Variants in DRGX observed in about 807,000 individuals in gnomAD.
DRGX encodes the protein dorsal root ganglia homeobox protein.
A neutral mutation model predicts 28.6 loss-of-function variants in DRGX; 21 were observed. The ratio of observed to expected loss-of-function variants is 0.73; its 90% CI spans 0.52 to 1.06. The LOEUF (loss-of-function observed/expected upper bound fraction) is 1.06. DRGX is among the 50% of genes least tolerant of loss of function. DRGX has a pLI of 0.00. For synonymous variants in DRGX, 136 were observed against 139.1 expected (o/e 0.98, Z 0.16); for missense variants, 354 against 343.9 (o/e 1.03, Z -0.23).
chr10:49,386,490 C>G lies in DRGX; in HGVS notation c.514G>C (p.Ala172Pro). Residue 172 changes from alanine (A) to proline (P), a missense_variant, in exon 6 of 7, where the codon GCT becomes CCT. Transcript: ENST00000374139. The part of the protein sequence containing the change: ...ATYAQALSHV[A>P]SLKGGPLCSC... ...AACCCAAACTCACCTTTGAGGGAAG[C>G]CACATGGGACAAGGCCTGGGCGTAG... 6.4e-7 allele frequency: 1 copy of G among 1,573,332 alleles called. No homozygotes were observed. Among genetic ancestry groups the G allele is most frequent in the Non-Finnish European group, 8.6e-7 (1 of 1,160,266 alleles).
intron 2 of DRGX, among the ~76,000 whole-genome samples, chr10:49,393,276 A>G (rs1391020211): frequency 6.6e-6 from 1 of 152,274 alleles, no homozygotes; most frequent in African/African-American, 2.4e-5. Context: ...AAAAAAGCAA[A>G]GTACAGAATG....
At position 49,386,519 on chromosome 10, in the gene DRGX, G is replaced by T. The variant is rs373974700; in HGVS notation, c.485C>A (p.Ala162Asp). 1 of 1,588,218 alleles carries T rather than the reference G, an allele frequency of 6.3e-7. No homozygotes were observed. The highest frequency in any genetic ancestry group is 1.1e-5 in the South Asian group (1 of 87,040). ...SCLPGTLLNT[A>D]TYAQALSHVA... ...ATGGGACAAGGCCTGGGCGTAGGTG[G>T]CCGTGTTCAGGAGAGTCCCCGGCAA... The change falls in exon 6 of 7, where the codon GCC becomes GAC. Residue 162 changes from alanine (A) to aspartate (D), a missense_variant. Transcript: ENST00000374139.
intron 6 of DRGX, among the ~76,000 whole-genome samples, chr10:49,378,186 A>T (rs1288040283): frequency 6.6e-6 from 1 of 152,220 alleles, no homozygotes. Flanking sequence ...ATTTTTAAAA[A>T]TGATAAGATA....
intron 6 of DRGX, among the ~76,000 whole-genome samples, chr10:49,372,671 A>G (rs190311871): frequency 8.5e-4 from 129 of 152,358 alleles, no homozygotes; most frequent in African/African-American, 2.9e-3. Flanking sequence ...AGAGGACACC[A>G]TGATGGACAC....
intron 6 of DRGX, among the ~76,000 whole-genome samples, chr10:49,383,807 C>T (rs1475540646): frequency 6.6e-6 from 1 of 152,250 alleles, no homozygotes; most frequent in East Asian, 1.9e-4. Context: ...GAACCCAACC[C>T]TGCTGGCGTC....
chr10:49,382,887 A>G (rs1027385156), intron 6 of DRGX, among the ~76,000 whole-genome samples: 2 of 152,150 alleles, frequency 1.3e-5, no homozygotes, highest in Admixed American at 1.3e-4. Context: ...TGAAACACAG[A>G]CTGCCACACT....
At chr10:49,380,371 G>A (rs760118889) in intron 6 of DRGX, among the ~76,000 whole-genome samples, 23 of 152,172 alleles carry the variant, frequency 1.5e-4, no homozygotes, top group Non-Finnish European at 3.1e-4. Flanking sequence ...GCACTTCTCC[G>A]GAACAAACCC....
Position 49,364,091 on chromosome 10 carries a change from T to C in DRGX, c.*2025A>G, listed in dbSNP as rs544592157. The C allele has an allele frequency of 2.4e-4, 37 of 152,302 alleles. No homozygotes were observed. In the East Asian group the frequency reaches 5.2e-3, roughly 21 times the overall value. The allele number at this position is 152,302 out of a possible 1,614,324, so 9.4% of individuals were successfully genotyped here. Reference sequence around the variant, plus strand: ...TTTGTTTTAACTCCTCTAAATTTATTTGGGTATTTAAACAAACAGAAACTA... The same window carrying C: ...TTTGTTTTAACTCCTCTAAATTTATCTGGGTATTTAAACAAACAGAAACTA... On this transcript the variant is annotated 3_prime_UTR_variant, in exon 7 of 7. Transcript: ENST00000374139.
At chr10:49,390,475 G>A (rs1849890485) in intron 3 of DRGX, among the ~76,000 whole-genome samples, 2 of 152,164 alleles carry the variant, frequency 1.3e-5, no homozygotes, top group African/African-American at 2.4e-5. Context: ...AAATAAGAGA[G>A]GTGTGAATAT....
chr10:49,385,591 A>T (rs989917125), intron 6 of DRGX, among the ~76,000 whole-genome samples: 1 of 151,884 alleles, frequency 6.6e-6, no homozygotes, highest in Non-Finnish European at 1.5e-5. Context: ...GTGTGTGTGT[A>T]TGTGTGTGTC....
At chr10:49,370,859 A>G (rs866376814) in intron 6 of DRGX, among the ~76,000 whole-genome samples, 3 of 152,240 alleles carry the variant, frequency 2.0e-5, no homozygotes, top group South Asian at 4.1e-4. Context: ...ACGACTTCAC[A>G]GTAACTTCAC....
intron 6 of DRGX, among the ~76,000 whole-genome samples, chr10:49,381,164 G>C (rs1433067738): frequency 6.6e-6 from 1 of 152,246 alleles, no homozygotes; most frequent in African/African-American, 2.4e-5. Context: ...GCAAGAGCCT[G>C]GTTTCTGATT....
chr10:49,370,746 C>A (rs1849650524), intron 6 of DRGX, among the ~76,000 whole-genome samples: 1 of 152,220 alleles, frequency 6.6e-6, no homozygotes, highest in South Asian at 2.1e-4. Context: ...GGGGACAAAT[C>A]TAGTGAGATG....
chr10:49,393,868 C>G (rs910961346), intron 2 of DRGX, among the ~76,000 whole-genome samples: 1 of 152,216 alleles, frequency 6.6e-6, no homozygotes, highest in African/African-American at 2.4e-5. Flanking sequence ...GGGGTCACCG[C>G]AGGCCAGGCC....
chr10:49,369,599 G>T (rs2132469263), intron 6 of DRGX, among the ~76,000 whole-genome samples: 1 of 152,238 alleles, frequency 6.6e-6, no homozygotes, highest in East Asian at 1.9e-4. Flanking sequence ...GGCCGGGGAG[G>T]GGAAGTGGGA....
chr10:49,385,160 G>T (rs1423723570), intron 6 of DRGX, among the ~76,000 whole-genome samples: 1 of 152,120 alleles, frequency 6.6e-6, no homozygotes, highest in African/African-American at 2.4e-5. Flanking sequence ...TTGGGGAGTG[G>T]GGGGCTTCTA....
intron 6 of DRGX, among the ~76,000 whole-genome samples, chr10:49,377,259 G>T (rs891950098): frequency 1.3e-5 from 2 of 152,242 alleles, no homozygotes; most frequent in Non-Finnish European, 2.9e-5. Flanking sequence ...GGCAGAGGTA[G>T]GTGGAAGGAT....
intron 6 of DRGX, among the ~76,000 whole-genome samples, chr10:49,371,914 T>C (rs187163213): frequency 1.3e-5 from 2 of 152,126 alleles, no homozygotes; most frequent in Admixed American, 6.5e-5. Context: ...ACATAAGTTG[T>C]CTGATTTCCA....
At chr10:49,391,037 G>C in intron 3 of DRGX, 127 bp downstream of exon 3, 4 of 1,100,284 alleles carry the variant, frequency 3.6e-6, no homozygotes, top group Non-Finnish European at 5.3e-6. Flanking sequence ...AGTTGTTCAA[G>C]AAAACAGAAA....
Sources: gnomAD v4.1 joint callset for allele counts (sites outside exome capture counted in the v4.1 genomes callset) on GRCh38, gnomAD v4.1.1 for gene constraint, MANE v1.5 for transcripts, NCBI Gene and HGNC (gene_info 2026-07-23, HGNC 2026-07-21) for gene names.